The following TENM3 variants were observed in gnomAD, a reference collection of about 807,000 sequenced individuals.
The protein encoded by TENM3 is teneurin transmembrane protein 3.
TENM3 carries 63 observed loss-of-function variants against 255.1 expected under a neutral mutation model. That is an observed-to-expected ratio of 0.25 (90% CI 0.20 to 0.30). TENM3 has a LOEUF of 0.30. TENM3 is among the 10% of genes least tolerant of loss of function. The probability of loss-of-function intolerance (pLI) is 1.00; values close to 1 mark genes in which losing one functional copy is unlikely to be tolerated. For missense variants in TENM3, 2,929 were observed against 3,461.1 expected, an observed-to-expected ratio of 0.85 and a Z score of 3.86; for synonymous variants, 1,306 against 1,322.3, an observed-to-expected ratio of 0.99 and a Z score of 0.27.
intron 15 of TENM3, among the ~76,000 whole-genome samples, 153 bp downstream of exon 15, chr4:182,730,472 T>A (rs531110993): frequency 6.6e-6 from 1 of 152,348 alleles, no homozygotes; most frequent in Non-Finnish European, 1.5e-5. Context: ...TGGCAGAGAT[T>A]TAAAGTCATA....
intron 12 of TENM3, chr4:182,711,749 T>G (rs538826320): frequency 5.4e-6 from 1 of 183,978 alleles, no homozygotes; most frequent in South Asian, 1.8e-4. Flanking sequence ...GGATTTAAAG[T>G]ATTGAGACTT....
chr4:181,979,097 C>CATATATAT, the TENM3 span, among the ~76,000 whole-genome samples: 2 of 30,362 alleles, frequency 6.6e-5, no homozygotes, highest in Non-Finnish European at 1.3e-4. Flanking sequence ...TTAAGCCTGA[C>CATATATAT]ATATATATAT....
chr4:182,603,614 T>C (rs1033119488), intron 4 of TENM3, among the ~76,000 whole-genome samples: 3 of 152,134 alleles, frequency 2.0e-5, no homozygotes, highest in Non-Finnish European at 4.4e-5. Flanking sequence ...ACCAGTCTTA[T>C]TTATCATTGA....
intron 3 of TENM3, among the ~76,000 whole-genome samples, chr4:182,583,805 G>A (rs181258756): frequency 2.9e-4 from 44 of 152,116 alleles, no homozygotes; most frequent in African/African-American, 1.1e-3. Context: ...TTAATTGTTA[G>A]CATGTGTTTT....
At chr4:181,944,269 T>C in the TENM3 span, among the ~76,000 whole-genome samples, 1 of 151,822 alleles carries the variant, frequency 6.6e-6, no homozygotes, top group African/African-American at 2.4e-5. Flanking sequence ...ACTGATATTA[T>C]AGTCTTGGGG....
chr4:181,678,034 A>G, the TENM3 span, among the ~76,000 whole-genome samples: 1 of 152,074 alleles, frequency 6.6e-6, no homozygotes, highest in Admixed American at 6.6e-5. Context: ...ATTTACATTT[A>G]TTTTAGCGAT....
the TENM3 span, among the ~76,000 whole-genome samples, chr4:181,749,643 C>T: frequency 5.3e-5 from 8 of 152,154 alleles, no homozygotes; most frequent in East Asian, 1.5e-3. Context: ...ATATTTTGTG[C>T]TTTTATTGTC....
chr4:182,705,395 G>A (rs759145217), intron 12 of TENM3, among the ~76,000 whole-genome samples: 26 of 152,268 alleles, frequency 1.7e-4, no homozygotes, highest in Admixed American at 2.6e-4. Context: ...TATGATGTAC[G>A]TATCTGATGT....
chr4:182,122,431 C>CT, the TENM3 span, among the ~76,000 whole-genome samples: 2 of 152,318 alleles, frequency 1.3e-5, no homozygotes, highest in South Asian at 4.1e-4. Flanking sequence ...GTTGAAATTA[C>CT]TCCTTGACTG....
intron 12 of TENM3, chr4:182,698,265 T>C (rs1169566124): frequency 1.3e-5 from 2 of 152,166 alleles, no homozygotes; most frequent in Non-Finnish European, 2.9e-5. Context: ...TATGAAATCA[T>C]TCCATTTCTA....
the TENM3 span, among the ~76,000 whole-genome samples, chr4:181,763,445 C>T: frequency 3.3e-5 from 5 of 152,148 alleles, no homozygotes; most frequent in South Asian, 2.1e-4. Flanking sequence ...GGTCCTACAT[C>T]TGTTTTTATA....
the TENM3 span, among the ~76,000 whole-genome samples, chr4:181,947,342 A>G: frequency 1.3e-5 from 2 of 152,226 alleles, no homozygotes; most frequent in Admixed American, 6.5e-5. Flanking sequence ...ATTCCATTAG[A>G]AAAGACAGAT....
chr4:182,724,035 G>A (rs368117185), intron 13 of TENM3, among the ~76,000 whole-genome samples: 29 of 152,308 alleles, frequency 1.9e-4, no homozygotes, highest in African/African-American at 5.1e-4. Flanking sequence ...TGAGCGGAGG[G>A]AAGCATAAAC....
At chr4:182,334,375 A>C (rs554722566) in intron 2 of TENM3, among the ~76,000 whole-genome samples, 2 of 152,338 alleles carry the variant, frequency 1.3e-5, no homozygotes, top group East Asian at 3.9e-4. Flanking sequence ...ATAGAAGTTA[A>C]GGATATCAAA....
chr4:182,639,983 G>A lies in TENM3; in HGVS notation c.988+11094G>A, dbSNP rs147638597. On this transcript the variant is annotated intron_variant, in intron 5 of 27. Transcript: ENST00000511685. ...CGCGCACCTGTAGTCCCAGCTACTC[G>A]GGAGGCTGAGGCAGGAGAATTGCTT... Among the ~76,000 whole-genome samples the A allele has an allele frequency of 4.2e-4, 64 of 152,246 alleles. No homozygotes were observed. The East Asian group carries it at 0.011, about 25-fold the overall frequency.
the TENM3 span, among the ~76,000 whole-genome samples, chr4:181,601,120 C>T: frequency 6.6e-6 from 1 of 152,164 alleles, no homozygotes; most frequent in Non-Finnish European, 1.5e-5. Flanking sequence ...GGTGGGATAC[C>T]TGCATTAGTT....
chr4:181,607,548 G>A, the TENM3 span, among the ~76,000 whole-genome samples: 4 of 151,602 alleles, frequency 2.6e-5, no homozygotes, highest in Non-Finnish European at 4.4e-5. Context: ...CCGAGTAGCT[G>A]AGATTACCAT....
intron 3 of TENM3, among the ~76,000 whole-genome samples, chr4:182,353,653 TC>T (rs1217335188): frequency 2.1e-4 from 32 of 152,298 alleles, no homozygotes; most frequent in Admixed American, 1.9e-3. Context: ...TATGTACAAG[TC>T]ACTTTTTAGT....
chr4:181,854,854 G>A, the TENM3 span, among the ~76,000 whole-genome samples: 1 of 152,132 alleles, frequency 6.6e-6, no homozygotes, highest in African/African-American at 2.4e-5. Flanking sequence ...TCCCCAAAAG[G>A]CCGCCTTCTC....
Sources: gnomAD v4.1 joint callset for allele counts (sites outside exome capture counted in the v4.1 genomes callset) on GRCh38, gnomAD v4.1.1 for gene constraint, MANE v1.5 for transcripts, NCBI Gene and HGNC (gene_info 2026-07-23, HGNC 2026-07-21) for gene names.